The following AP3B1 variants were observed in gnomAD, a reference collection of about 807,000 sequenced individuals.
AP3B1 encodes the protein adaptor related protein complex 3 subunit beta 1.
Under a neutral mutation model 132.5 loss-of-function variants are expected in AP3B1, and 61 were observed. The observed-to-expected ratio is 0.46, with a 90% CI of 0.37 to 0.57. AP3B1 has a LOEUF of 0.57. AP3B1 is among the 20% of genes least tolerant of loss of function. AP3B1 has a pLI of 0.00. For missense variants in AP3B1, 1,120 were observed against 1,289.4 expected (o/e 0.87, Z 2.01); for synonymous variants, 388 against 438.3 (o/e 0.89, Z 1.43).
intron 1 of AP3B1, among the ~76,000 whole-genome samples, chr5:78,272,751 GAGTT>G (rs200631819): frequency 0.016 from 2,404 of 152,302 alleles, 55 homozygotes; most frequent in African/African-American, 0.054. Context: ...TCAAATAAGA[GAGTT>G]AGTTATGCAG....
intron 18 of AP3B1, among the ~76,000 whole-genome samples, chr5:78,114,660 G>A (rs1212462415): frequency 6.6e-6 from 1 of 152,154 alleles, no homozygotes. Flanking sequence ...TTGTGTCCCA[G>A]ACAAAAGGAC....
chr5:78,181,117 A>C (rs548092375), intron 8 of AP3B1, among the ~76,000 whole-genome samples: 1 of 152,236 alleles, frequency 6.6e-6, no homozygotes, highest in East Asian at 1.9e-4. Context: ...AATAACTGAT[A>C]AATATACATA....
intron 14 of AP3B1, among the ~76,000 whole-genome samples, chr5:78,153,247 A>G (rs1753744877): frequency 6.6e-6 from 1 of 152,158 alleles, no homozygotes; most frequent in Non-Finnish European, 1.5e-5. Flanking sequence ...ATTTAAAGTC[A>G]TTATATCCTC....
At chr5:78,242,595 C>T (rs113377128) in intron 2 of AP3B1, among the ~76,000 whole-genome samples, 23 of 151,978 alleles carry the variant, frequency 1.5e-4, no homozygotes, top group African/African-American at 5.1e-4. Context: ...TTAGTAGAGA[C>T]GAGGTTTCGC....
intron 3 of AP3B1, among the ~76,000 whole-genome samples, chr5:78,235,350 T>A (rs1055378342): frequency 6.6e-6 from 1 of 152,298 alleles, no homozygotes; most frequent in East Asian, 1.9e-4. Context: ...TTATGAACTC[T>A]AGAATATATC....
intron 14 of AP3B1, among the ~76,000 whole-genome samples, chr5:78,154,263 T>G (rs1743046337): frequency 6.6e-6 from 1 of 152,188 alleles, no homozygotes; most frequent in African/African-American, 2.4e-5. Context: ...TTTTGGCACT[T>G]TATGTCATGC....
intron 7 of AP3B1, among the ~76,000 whole-genome samples, chr5:78,192,646 A>AAAAG (rs935836427): frequency 2.6e-5 from 4 of 152,172 alleles, no homozygotes; most frequent in South Asian, 2.1e-4. Flanking sequence ...TATCTCCAAA[A>AAAAG]AAAGAAAGAA....
chr5:78,078,147 A>T (rs2112175906), intron 22 of AP3B1, among the ~76,000 whole-genome samples: 1 of 152,284 alleles, frequency 6.6e-6, no homozygotes, highest in Middle Eastern at 3.4e-3. Flanking sequence ...CTTACTGGAC[A>T]TCTCTAACTT....
chr5:78,184,868 T>G (rs1439952479), intron 7 of AP3B1, among the ~76,000 whole-genome samples: 1 of 152,170 alleles, frequency 6.6e-6, no homozygotes, highest in Non-Finnish European at 1.5e-5. Flanking sequence ...TTGAGGAAGC[T>G]GAGTAAACCC....
In AP3B1 at chr5:78,181,666, C is replaced by T. The variant is rs1236005772; in HGVS notation, c.787-4G>A. On this transcript the variant is annotated splice_region_variant and splice_polypyrimidine_tract_variant and intron_variant, in intron 7 of 26. Transcript: ENST00000255194. ...CATTGTCTTCTAATTCATCACCCTACAATGAAAGAAATCCAACCCAAGATT... is the reference window on the plus strand; with the variant it reads ...CATTGTCTTCTAATTCATCACCCTATAATGAAAGAAATCCAACCCAAGATT... 6.2e-7 allele frequency: 1 copy of T among 1,610,772 alleles called. No individual in the cohort carries two copies. The highest frequency in any genetic ancestry group is 1.7e-4 in the Middle Eastern group (1 of 6,048).
chr5:78,276,958 T>C (rs993812417), intron 1 of AP3B1, among the ~76,000 whole-genome samples: 1 of 146,856 alleles, frequency 6.8e-6, no homozygotes, highest in Non-Finnish European at 1.5e-5. Flanking sequence ...TAAGTTTCCA[T>C]CTCAGAATGC....
At chr5:78,027,605 T>C (rs978067846) in intron 24 of AP3B1, among the ~76,000 whole-genome samples, 1 of 152,270 alleles carries the variant, frequency 6.6e-6, no homozygotes, top group South Asian at 2.1e-4. Flanking sequence ...TAGAATCACA[T>C]TGAATTTGAA....
chr5:78,052,050 C>T (rs1245798758), intron 22 of AP3B1, among the ~76,000 whole-genome samples: 7 of 151,340 alleles, frequency 4.6e-5, no homozygotes, highest in Non-Finnish European at 1.0e-4. Flanking sequence ...TTGGTTAACT[C>T]TTACATATAA....
chr5:78,263,459 C>G (rs1748185038), intron 2 of AP3B1, among the ~76,000 whole-genome samples: 1 of 152,134 alleles, frequency 6.6e-6, no homozygotes, highest in Non-Finnish European at 1.5e-5. Flanking sequence ...AATTTTACTT[C>G]TTCCTTTTCC....
At chr5:78,015,606 A>C in intron 25 of AP3B1, 58 bp from the exon 26 acceptor site, 1 of 1,596,220 alleles carries the variant, frequency 6.3e-7, no homozygotes, top group Non-Finnish European at 8.5e-7. Context: ...TTACATTTAC[A>C]GAATTTTAAG....
At chr5:78,193,770 A>ATATATATATATATATTTTTTTTT in intron 7 of AP3B1, among the ~76,000 whole-genome samples, 63 of 67,124 alleles carry the variant, frequency 9.4e-4, no homozygotes, top group South Asian at 2.1e-3. Context: ...ATATATATAT[A>ATATATATATATATATTTTTTTTT]TTTTTTTTTT....
At chr5:78,022,941 C>A (rs1365146005) in intron 24 of AP3B1, among the ~76,000 whole-genome samples, 3 of 152,170 alleles carry the variant, frequency 2.0e-5, no homozygotes, top group Non-Finnish European at 4.4e-5. Context: ...CAAGGTCACA[C>A]AGCTAGTAAC....
intron 24 of AP3B1, among the ~76,000 whole-genome samples, chr5:78,025,105 G>A (rs1184320929): frequency 6.6e-6 from 1 of 152,048 alleles, no homozygotes; most frequent in Non-Finnish European, 1.5e-5. Context: ...CTTCTACAGA[G>A]TACATACTCA....
At chr5:78,029,378 T>C (rs1747473593) in intron 24 of AP3B1, among the ~76,000 whole-genome samples, 2 of 151,522 alleles carry the variant, frequency 1.3e-5, no homozygotes, top group Admixed American at 1.3e-4. Flanking sequence ...ATCTATCTGA[T>C]AAATGCATAC....
Sources: gnomAD v4.1 joint callset for allele counts (sites outside exome capture counted in the v4.1 genomes callset) on GRCh38, gnomAD v4.1.1 for gene constraint, MANE v1.5 for transcripts, NCBI Gene and HGNC (gene_info 2026-07-23, HGNC 2026-07-21) for gene names.